The following RAB6A variants were observed in gnomAD, a reference collection of about 807,000 sequenced individuals.
RAB6A encodes ras-related protein Rab-6A.
RAB6A carries 8 observed loss-of-function variants against 32.3 expected under a neutral mutation model. The ratio of observed to expected loss-of-function variants is 0.25; its 90% CI spans 0.15 to 0.45. RAB6A has a LOEUF of 0.45. Ranked by LOEUF, RAB6A falls within the 20% of genes least tolerant of loss-of-function variation. The pLI, the probability that RAB6A is intolerant of heterozygous loss-of-function variation, is 1.00. For synonymous variants in RAB6A, 73 were observed against 82.1 expected (o/e 0.89, Z 0.60); for missense variants, 104 against 249.4 (o/e 0.42, Z 3.93).
At chr11:73,723,654 C>G (rs909207332) in intron 2 of RAB6A, among the ~76,000 whole-genome samples, 1 of 152,122 alleles carries the variant, frequency 6.6e-6, no homozygotes. Flanking sequence ...TGATTGCCTA[C>G]TAGGCACCAT....
chr11:73,728,800 A>C lies in RAB6A; in HGVS notation c.129+1965T>G, dbSNP rs183786860. The stretch of plus-strand genomic sequence containing the variant: ...TCTGTCTGGGTTGAATATTAGAGTA[A>C]CTGACCTCACAGAATGAGGTGGGTC... On this transcript the variant is annotated intron_variant, in intron 2 of 7. Coordinates refer to ENST00000336083, the MANE Select transcript of RAB6A (RefSeq NM_198896.2). Among the ~76,000 whole-genome samples the C allele has an allele frequency of 2.3e-4, 35 of 151,996 alleles. 1 individual carries two copies. Among genetic ancestry groups the C allele is most frequent in the African/African-American group, 8.4e-4 (35 of 41,520 alleles).
At position 73,691,282 on chromosome 11, in the gene RAB6A, C is replaced by T. The variant is rs542538580; in HGVS notation, c.496-11562G>A. ...GAGAGAATGTGGGGGTTCCCTGAGACGCCTTTTGCTTTCTCCTGGGGTCTG... is the reference window on the plus strand; with the variant it reads ...GAGAGAATGTGGGGGTTCCCTGAGATGCCTTTTGCTTTCTCCTGGGGTCTG... On this transcript the variant is annotated intron_variant, in intron 6 of 7. Transcript: ENST00000336083. Among the ~76,000 whole-genome samples, 8 of 152,290 alleles carry T rather than the reference C, an allele frequency of 5.3e-5. No individual in the cohort carries two copies. The South Asian group carries it at 8.3e-4, about 16-fold the overall frequency.
intron 1 of RAB6A, among the ~76,000 whole-genome samples, chr11:73,737,807 A>G (rs796672982): frequency 1.3e-4 from 20 of 152,096 alleles, no homozygotes; most frequent in African/African-American, 4.8e-4. Flanking sequence ...AGCCTGGCCA[A>G]CATGGTGAAA....
chr11:73,719,655 G>A (rs1019828122), intron 3 of RAB6A, among the ~76,000 whole-genome samples: 3 of 148,198 alleles, frequency 2.0e-5, no homozygotes, highest in African/African-American at 5.0e-5. Context: ...CATTCTTGTC[G>A]CTCAGGCTGA....
At chr11:73,741,296 C>G (rs1429514274) in intron 1 of RAB6A, among the ~76,000 whole-genome samples, 1 of 152,054 alleles carries the variant, frequency 6.6e-6, no homozygotes, top group Non-Finnish European at 1.5e-5. Context: ...GCCACCACGC[C>G]TGGCTAATTT....
chr11:73,702,490 G>A (rs572292941), intron 6 of RAB6A, among the ~76,000 whole-genome samples: 1 of 152,230 alleles, frequency 6.6e-6, no homozygotes, highest in Non-Finnish European at 1.5e-5. Flanking sequence ...TAAGGTTTGA[G>A]AATGCTGTCA....
intron 1 of RAB6A, among the ~76,000 whole-genome samples, chr11:73,745,808 G>A (rs1946578718): frequency 6.6e-6 from 1 of 151,882 alleles, no homozygotes; most frequent in Non-Finnish European, 1.5e-5. Flanking sequence ...CTCCAGCCTG[G>A]GTGACAGAGT....
intron 4 of RAB6A, among the ~76,000 whole-genome samples, chr11:73,717,776 G>C (rs755000918): frequency 1.1e-4 from 16 of 152,232 alleles, no homozygotes; most frequent in Non-Finnish European, 1.9e-4. Context: ...TGAGGCAGGA[G>C]GATCACTTGA....
At position 73,677,472 on chromosome 11, in the gene RAB6A, A is replaced by AT. The variant is rs58582628; in HGVS notation, c.*425dup. 2.4e-3 allele frequency: 627 copies of AT among 264,510 alleles called. 4 individuals are homozygous for AT. The highest frequency in any genetic ancestry group is 0.013 in the African/African-American group (591 of 44,532). The allele number at this position is 264,510 out of a possible 1,614,324, so 16.4% of individuals were successfully genotyped here. Reference sequence around the variant, plus strand: ...GGAAGTCGGGGGAGGCTAGGTAAGAATAGGGTAATAGGGAATGGGGGTAAG... The same window carrying AT: ...GGAAGTCGGGGGAGGCTAGGTAAGAATTAGGGTAATAGGGAATGGGGGTAAG... On this transcript the variant is annotated 3_prime_UTR_variant, in exon 8 of 8. Transcript: ENST00000336083.
intron 1 of RAB6A, among the ~76,000 whole-genome samples, chr11:73,752,931 A>T (rs1946689941): frequency 6.6e-6 from 1 of 151,892 alleles, no homozygotes; most frequent in Admixed American, 6.6e-5. Flanking sequence ...AATGAAAGAG[A>T]CCAGATGAAA....
In RAB6A at chr11:73,677,813, A is replaced by C. The variant is rs1350678373; in HGVS notation, c.*85T>G. 2.4e-5 allele frequency: 39 copies of C among 1,604,526 alleles called. No homozygotes were observed. Among genetic ancestry groups the C allele is most frequent in the Non-Finnish European group, 3.3e-5 (39 of 1,171,938 alleles). ...GTTATTACTGAAGGGAAAAGGTTCA[A>C]GCCAATATTCACACTGCAGTCAATG... On this transcript the variant is annotated 3_prime_UTR_variant, in exon 8 of 8. Transcript: ENST00000336083.
intron 1 of RAB6A, among the ~76,000 whole-genome samples, chr11:73,738,517 T>C (rs1180613861): frequency 2.0e-5 from 3 of 151,812 alleles, no homozygotes; most frequent in Non-Finnish European, 4.4e-5. Context: ...CCAAGCACAG[T>C]GGAGTAGACC....
chr11:73,695,757 A>T (rs1945646247), intron 6 of RAB6A, among the ~76,000 whole-genome samples: 1 of 152,200 alleles, frequency 6.6e-6, no homozygotes, highest in Admixed American at 6.5e-5. Flanking sequence ...TATTAAGTCC[A>T]CGCTGACCTC....
At chr11:73,712,583 T>C (rs1430519929) in intron 5 of RAB6A, among the ~76,000 whole-genome samples, 1 of 152,054 alleles carries the variant, frequency 6.6e-6, no homozygotes, top group Non-Finnish European at 1.5e-5. Flanking sequence ...ACTCCTGACC[T>C]CAGGTAATCC....
At chr11:73,730,894 G>A (rs893572477) in intron 1 of RAB6A, 71 bp from the exon 2 acceptor site, 28 of 1,129,720 alleles carry the variant, frequency 2.5e-5, no homozygotes, top group Admixed American at 1.6e-4. Context: ...TTTTTCTACA[G>A]AGAACTGCAA....
In RAB6A at chr11:73,676,549, A is replaced by T. The variant is rs1270289976; in HGVS notation, c.*1349T>A. The T allele has an allele frequency of 6.0e-6, 1 of 167,078 alleles. No homozygotes were observed. The highest frequency in any genetic ancestry group is 2.4e-5 in the African/African-American group (1 of 41,432). The allele number at this position is 167,078 out of a possible 1,614,324, so 10.3% of individuals were successfully genotyped here. On this transcript the variant is annotated 3_prime_UTR_variant, in exon 8 of 8. Transcript: ENST00000336083. ...AAGATTAATTGTAGCTTAAATATAAAACTAAATCACCAGTTAATTAAACTA... is the reference window on the plus strand; with the variant it reads ...AAGATTAATTGTAGCTTAAATATAATACTAAATCACCAGTTAATTAAACTA...
chr11:73,720,562 C>A (rs1946120735), intron 3 of RAB6A, among the ~76,000 whole-genome samples: 1 of 152,094 alleles, frequency 6.6e-6, no homozygotes, highest in African/African-American at 2.4e-5. Context: ...AAATTGAAAT[C>A]TTTTTGAATG....
At chr11:73,693,431 G>GA (rs1945607923) in intron 6 of RAB6A, among the ~76,000 whole-genome samples, 1 of 151,936 alleles carries the variant, frequency 6.6e-6, no homozygotes, top group South Asian at 2.1e-4. Context: ...TGTGTTTAAA[G>GA]AAAGCAACAG....
chr11:73,731,684 TTATATATATATATATATATATATATA>T (rs1157961323), intron 1 of RAB6A, among the ~76,000 whole-genome samples: 13 of 14,526 alleles, frequency 8.9e-4, no homozygotes, highest in African/African-American at 2.1e-3. Context: ...TAGATAGATA[TTATATATATATATATATATATATATA>T]TATATATATA....
Sources: allele counts gnomAD v4.1 joint callset (sites outside exome capture counted in the v4.1 genomes callset), GRCh38; gene constraint gnomAD v4.1.1; transcripts MANE v1.5; gene names NCBI Gene and HGNC (gene_info 2026-07-23, HGNC 2026-07-21).